The following NRG2 variants were observed in gnomAD, a reference collection of about 807,000 sequenced individuals.
The protein encoded by NRG2 is neuregulin 2, also known as pro-neuregulin-2, membrane-bound isoform.
A neutral mutation model predicts 73.9 loss-of-function variants in NRG2; 27 were observed. The observed-to-expected ratio is 0.37, with a 90% CI of 0.27 to 0.50. The LOEUF (loss-of-function observed/expected upper bound fraction) is 0.50. Ranked by LOEUF, NRG2 falls within the 20% of genes least tolerant of loss-of-function variation. The pLI is 0.96. For synonymous variants in NRG2, 532 were observed against 541.0 expected (o/e 0.98, Z 0.23); for missense variants, 1,126 against 1,210.1 (o/e 0.93, Z 1.03).
chr5:139,975,635 C>T (rs1476436678), intron 1 of NRG2, among the ~76,000 whole-genome samples: 1 of 152,226 alleles, frequency 6.6e-6, no homozygotes, highest in Non-Finnish European at 1.5e-5. Context: ...TGGGGAATAT[C>T]AGATAGCAGC....
intron 1 of NRG2, among the ~76,000 whole-genome samples, chr5:139,923,193 G>A (rs1751807970): frequency 6.6e-6 from 1 of 152,128 alleles, no homozygotes; most frequent in South Asian, 2.1e-4. Context: ...GATTGTGCGT[G>A]TGTGGGACAG....
intron 1 of NRG2, among the ~76,000 whole-genome samples, chr5:139,986,464 G>A (rs546762283): frequency 7.9e-5 from 12 of 152,270 alleles, no homozygotes; most frequent in South Asian, 4.2e-4. Flanking sequence ...ACTCAAGACC[G>A]GAGAGAAAGA....
chr5:139,930,518 G>A (rs988136269), intron 1 of NRG2, among the ~76,000 whole-genome samples: 2 of 152,180 alleles, frequency 1.3e-5, no homozygotes, highest in Admixed American at 6.5e-5. Flanking sequence ...TCAAACTTTC[G>A]GGAAGGTTCC....
chr5:139,882,758 C>T (rs186460171), intron 2 of NRG2, among the ~76,000 whole-genome samples: 1 of 152,158 alleles, frequency 6.6e-6, no homozygotes, highest in Non-Finnish European at 1.5e-5. Flanking sequence ...TCCTTGTCAC[C>T]CCCCTGGAAT....
At chr5:139,914,329 G>T (rs1418134091) in intron 1 of NRG2, among the ~76,000 whole-genome samples, 1 of 152,098 alleles carries the variant, frequency 6.6e-6, no homozygotes, top group African/African-American at 2.4e-5. Context: ...AAACAGTGGT[G>T]CTCCAAACCC....
At chr5:139,860,975 G>C (rs759521361) in intron 5 of NRG2, among the ~76,000 whole-genome samples, 23 of 152,150 alleles carry the variant, frequency 1.5e-4, no homozygotes, top group Non-Finnish European at 1.6e-4. Flanking sequence ...ATCTGGCTCT[G>C]AGGTGGGAGC....
chr5:139,852,877 G>A lies in NRG2; in HGVS notation c.1416+27C>T, dbSNP rs1474824322. 6.2e-7 allele frequency: 1 copy of A among 1,613,136 alleles called. No individual in the cohort carries two copies. The highest frequency in any genetic ancestry group is 8.5e-7 in the Non-Finnish European group (1 of 1,179,772). On this transcript the variant is annotated intron_variant, in intron 7 of 9. Transcript: ENST00000361474. This position sits in a 1 kb window ranked among gnomAD's most constrained non-coding sequence, Gnocchi z 4.4. ...AGGCTGGCTGTCCACTGAGGGCTCA[G>A]AAGGGGGCCCCAGGAAAGCCACTCA...
intron 1 of NRG2, among the ~76,000 whole-genome samples, chr5:139,988,289 G>T (rs879448109): frequency 1.3e-5 from 2 of 152,014 alleles, no homozygotes; most frequent in African/African-American, 2.4e-5. Context: ...TCCAGCAATT[G>T]AGCTCTCTGG....
chr5:140,010,810 A>T (rs1759305032), intron 1 of NRG2, among the ~76,000 whole-genome samples: 1 of 152,220 alleles, frequency 6.6e-6, no homozygotes, highest in Non-Finnish European at 1.5e-5. Context: ...ACCCTCAGTG[A>T]TCCAGGTGAA....
intron 1 of NRG2, among the ~76,000 whole-genome samples, chr5:140,006,943 C>G (rs1453042850): frequency 6.6e-6 from 1 of 152,176 alleles, no homozygotes; most frequent in African/African-American, 2.4e-5. Context: ...CCATGGTTCT[C>G]AAAAGCCTAG....
intron 9 of NRG2, among the ~76,000 whole-genome samples, chr5:139,849,651 G>T (rs559103748): frequency 6.6e-6 from 1 of 152,228 alleles, no homozygotes; most frequent in African/African-American, 2.4e-5. Flanking sequence ...GCACAGCTGG[G>T]CATCTCACTG....
At chr5:139,949,396 G>C (rs1277890417) in intron 1 of NRG2, among the ~76,000 whole-genome samples, 2 of 152,036 alleles carry the variant, frequency 1.3e-5, no homozygotes, top group East Asian at 3.8e-4. Context: ...TTTTACTGAA[G>C]AACAGATGAG....
chr5:140,007,593 C>T (rs72796739), intron 1 of NRG2, among the ~76,000 whole-genome samples: 237 of 152,184 alleles, frequency 1.6e-3, no homozygotes, highest in Non-Finnish European at 2.5e-3. Flanking sequence ...GCATCTTCAC[C>T]TCCAGCACCC....
At chr5:139,886,401 G>T (rs896097142) in intron 2 of NRG2, among the ~76,000 whole-genome samples, 2 of 152,172 alleles carry the variant, frequency 1.3e-5, no homozygotes, top group Non-Finnish European at 2.9e-5. Flanking sequence ...AGGCTGGTGT[G>T]CTCTAAAACC....
intron 5 of NRG2, among the ~76,000 whole-genome samples, chr5:139,857,663 A>G (rs1442212952): frequency 1.3e-5 from 2 of 151,912 alleles, no homozygotes; most frequent in African/African-American, 4.8e-5. Flanking sequence ...TGTGTTGGGC[A>G]CCAGACTCAT....
At chr5:139,964,461 C>G (rs1043221607) in intron 1 of NRG2, among the ~76,000 whole-genome samples, 1 of 152,028 alleles carries the variant, frequency 6.6e-6, no homozygotes, top group African/African-American at 2.4e-5. Context: ...CTCAGAGGTA[C>G]CCAAAACCTC....
At chr5:139,936,485 C>T (rs1410819648) in intron 1 of NRG2, among the ~76,000 whole-genome samples, 1 of 152,166 alleles carries the variant, frequency 6.6e-6, no homozygotes, top group Non-Finnish European at 1.5e-5. Flanking sequence ...AGCCCTATAT[C>T]TATTAAACCA....
intron 1 of NRG2, among the ~76,000 whole-genome samples, chr5:139,952,175 A>C (rs1754256430): frequency 6.6e-6 from 1 of 152,266 alleles, no homozygotes; most frequent in African/African-American, 2.4e-5. Flanking sequence ...CCTGACACAT[A>C]GTTGGCACCC....
chr5:139,880,763 G>T, intron 3 of NRG2, 93 bp downstream of exon 3: 1 of 876,544 alleles, frequency 1.1e-6, no homozygotes, highest in Non-Finnish European at 1.8e-6. Context: ...TTGAGTGCGA[G>T]ATGGATCACA....
Sources: gnomAD v4.1 joint callset for allele counts (sites outside exome capture counted in the v4.1 genomes callset) on GRCh38, gnomAD v4.1.1 for gene constraint, Gnocchi (gnomAD v3.1) non-coding constraint, MANE v1.5 for transcripts, NCBI Gene and HGNC (gene_info 2026-07-23, HGNC 2026-07-21) for gene names.